LINGO2: variants seen among roughly 807,000 people sequenced by gnomAD.
The protein encoded by LINGO2 is leucine rich repeat and Ig domain containing 2, also known as leucine-rich repeat and immunoglobulin-like domain-containing nogo receptor-interacting protein 2.
In LINGO2, 14 loss-of-function variants were observed where a neutral mutation model predicts 30.6. That is an observed-to-expected ratio of 0.46 (90% confidence interval 0.30 to 0.72). LINGO2 has a LOEUF of 0.72. LINGO2 is among the 30% of genes least tolerant of loss of function. The probability of loss-of-function intolerance (pLI) is 0.07; values close to 1 mark genes in which losing one functional copy is unlikely to be tolerated. For synonymous variants in LINGO2, 317 were observed against 288.5 expected (o/e 1.10, Z -1.00); for missense variants, 729 against 751.7 (o/e 0.97, Z 0.35).
At chr9:28,136,656 C>T (rs1207972882) in intron 4 of LINGO2, among the ~76,000 whole-genome samples, 1 of 152,140 alleles carries the variant, frequency 6.6e-6, no homozygotes, top group African/African-American at 2.4e-5. Context: ...CAATGTTAGA[C>T]TTTCTTATGT....
At chr9:28,945,963 T>C in the LINGO2 span, among the ~76,000 whole-genome samples, 1 of 152,140 alleles carries the variant, frequency 6.6e-6, no homozygotes, top group Non-Finnish European at 1.5e-5. Context: ...GTCACACCAA[T>C]CTCCTAACCC....
chr9:28,852,006 G>C, the LINGO2 span, among the ~76,000 whole-genome samples: 2 of 151,634 alleles, frequency 1.3e-5, no homozygotes, highest in African/African-American at 4.8e-5. Flanking sequence ...AAATCATTAA[G>C]ATCCCTGTCC....
chr9:28,105,860 G>A (rs549975883), intron 4 of LINGO2, among the ~76,000 whole-genome samples: 13 of 152,160 alleles, frequency 8.5e-5, no homozygotes, highest in Middle Eastern at 6.8e-3. Flanking sequence ...ACTTGATCTC[G>A]GATTTCTGGC....
intron 4 of LINGO2, among the ~76,000 whole-genome samples, chr9:28,198,503 G>T (rs184077245): frequency 5.3e-5 from 8 of 152,044 alleles, no homozygotes; most frequent in Non-Finnish European, 8.8e-5. Context: ...TATGAATACT[G>T]ATGCAAAAAT....
chr9:29,175,851 G>A, the LINGO2 span, among the ~76,000 whole-genome samples: 2 of 152,116 alleles, frequency 1.3e-5, no homozygotes, highest in African/African-American at 4.8e-5. Flanking sequence ...TTTTAAAAAA[G>A]AGTAAATCTT....
chr9:28,572,186 A>G (rs895173320), intron 1 of LINGO2, among the ~76,000 whole-genome samples: 1 of 151,980 alleles, frequency 6.6e-6, no homozygotes, highest in African/African-American at 2.4e-5. Flanking sequence ...TCCCCTCTTC[A>G]TAACTCTTAA....
the LINGO2 span, among the ~76,000 whole-genome samples, chr9:28,792,436 C>G: frequency 1.3e-5 from 2 of 151,966 alleles, no homozygotes; most frequent in South Asian, 4.1e-4. Context: ...AATTTCCAAA[C>G]ACAAAAATAT....
intron 4 of LINGO2, among the ~76,000 whole-genome samples, chr9:28,089,804 T>C (rs1005879037): frequency 6.6e-6 from 1 of 151,980 alleles, no homozygotes; most frequent in Non-Finnish European, 1.5e-5. Flanking sequence ...ATCAACAAAA[T>C]TGATAGACTG....
the LINGO2 span, among the ~76,000 whole-genome samples, chr9:28,713,026 C>T: frequency 2.4e-4 from 37 of 151,830 alleles, no homozygotes; most frequent in African/African-American, 6.8e-4. Context: ...TCACCACGCC[C>T]GGCTGATTTT....
chr9:28,345,564 C>A (rs963653070), intron 3 of LINGO2, among the ~76,000 whole-genome samples: 1 of 152,104 alleles, frequency 6.6e-6, no homozygotes, highest in African/African-American at 2.4e-5. Context: ...TAATGTTGAC[C>A]TACTCAAGTT....
At chr9:28,834,977 T>A in the LINGO2 span, among the ~76,000 whole-genome samples, 2 of 152,192 alleles carry the variant, frequency 1.3e-5, no homozygotes, top group Non-Finnish European at 2.9e-5. Flanking sequence ...AATGTCTTTT[T>A]AAATGAATGA....
At position 28,314,769 on chromosome 9, in the gene LINGO2, G is replaced by A. The variant is rs1824771454; in HGVS notation, c.-245-19403C>T. Among the ~76,000 whole-genome samples the A allele has an allele frequency of 2.0e-5, 3 of 152,074 alleles. No individual in the cohort carries two copies. In the South Asian group the frequency reaches 6.2e-4, roughly 32 times the overall value. On this transcript the variant is annotated intron_variant, in intron 3 of 5. Transcript: ENST00000379992. ...GGAGGCAGAGGCAGGCAGATCACTA[G>A]GTCAGAAGATAGAGACCATCCTGGC...
intron 4 of LINGO2, among the ~76,000 whole-genome samples, chr9:28,054,508 T>G (rs10968312): frequency 0.041 from 6,278 of 152,204 alleles, 214 homozygotes; most frequent in African/African-American, 0.089. Flanking sequence ...TTAGGTATAT[T>G]AAGAAATTAG....
the LINGO2 span, among the ~76,000 whole-genome samples, chr9:28,961,754 C>T: frequency 6.6e-6 from 1 of 152,148 alleles, no homozygotes; most frequent in African/African-American, 2.4e-5. Flanking sequence ...CCTCAAGAGA[C>T]ACCTCTTTTC....
chr9:28,654,753 A>G (rs1461633673), intron 1 of LINGO2, among the ~76,000 whole-genome samples: 1 of 152,056 alleles, frequency 6.6e-6, no homozygotes, highest in East Asian at 1.9e-4. Flanking sequence ...TCTAGATTTG[A>G]CTCACAGCTT....
the LINGO2 span, among the ~76,000 whole-genome samples, chr9:29,120,948 A>G: frequency 0.24 from 37,107 of 152,048 alleles, 4,710 homozygotes; most frequent in East Asian, 0.44. Flanking sequence ...CTTACAATAT[A>G]ACTAAATCTT....
At chr9:27,972,517 T>C (rs1177613182) in intron 5 of LINGO2, among the ~76,000 whole-genome samples, 1 of 152,180 alleles carries the variant, frequency 6.6e-6, no homozygotes, top group African/African-American at 2.4e-5. Context: ...AGATCCACAG[T>C]GCAGAGTCTG....
chr9:28,846,582 A>C, the LINGO2 span, among the ~76,000 whole-genome samples: 2 of 147,876 alleles, frequency 1.4e-5, no homozygotes. Flanking sequence ...AGACCTTGGT[A>C]ACTGCATCCC....
At chr9:28,928,644 A>G in the LINGO2 span, among the ~76,000 whole-genome samples, 1 of 152,222 alleles carries the variant, frequency 6.6e-6, no homozygotes, top group Non-Finnish European at 1.5e-5. Flanking sequence ...TGGCCAGGAC[A>G]TGAAAAACAC....
Sources: gnomAD v4.1 joint callset for allele counts (sites outside exome capture counted in the v4.1 genomes callset) on GRCh38, gnomAD v4.1.1 for gene constraint, MANE v1.5 for transcripts, NCBI Gene and HGNC (gene_info 2026-07-23, HGNC 2026-07-21) for gene names.